The following MTMR8 variants were observed in gnomAD, a reference collection of about 807,000 sequenced individuals.
The protein encoded by MTMR8 is phosphatidylinositol-3,5-bisphosphate 3-phosphatase MTMR8.
A neutral mutation model predicts 39.3 loss-of-function variants in MTMR8; 65 were observed. The observed-to-expected ratio is 1.65, with a 90% confidence interval of 1.35 to 2.03. The LOEUF is 2.03. Ranked by LOEUF, MTMR8 falls within the 30% of genes most tolerant of loss-of-function variation. The pLI, the probability that MTMR8 is intolerant of heterozygous loss-of-function variation, is 0.00. For synonymous variants in MTMR8, 245 were observed against 185.2 expected, an observed-to-expected ratio of 1.32 and a Z score of -2.62; for missense variants, 777 against 538.9, an observed-to-expected ratio of 1.44 and a Z score of -4.37.
At chrX:64,391,049 A>C (rs1320023133) in intron 1 of MTMR8, among the ~76,000 whole-genome samples, 1 of 112,221 alleles carries the variant, frequency 8.9e-6, no homozygotes, top group Non-Finnish European at 1.9e-5. Flanking sequence ...GAACATTTCC[A>C]TCATTCCAAA....
intron 7 of MTMR8, among the ~76,000 whole-genome samples, chrX:64,344,270 A>C (rs1923293352): frequency 8.9e-6 from 1 of 112,136 alleles, no homozygotes; most frequent in African/African-American, 3.2e-5. Context: ...AGAAAGGAGT[A>C]AGAGACCTAA....
intron 8 of MTMR8, among the ~76,000 whole-genome samples, chrX:64,340,098 C>T (rs998221761): frequency 9.0e-6 from 1 of 111,383 alleles, no homozygotes; most frequent in Non-Finnish European, 1.9e-5. Context: ...AGAGAATGAC[C>T]GTGGCTAGCA....
chrX:64,276,785 G>A (rs1033843054), intron 12 of MTMR8, among the ~76,000 whole-genome samples: 3 of 111,772 alleles, frequency 2.7e-5, no homozygotes, highest in African/African-American at 3.3e-5. Context: ...TTCTGTAGAT[G>A]TCTATTAGGT....
intron 1 of MTMR8, among the ~76,000 whole-genome samples, chrX:64,374,396 T>A (rs1386110922): frequency 8.9e-6 from 1 of 111,932 alleles, no homozygotes; most frequent in South Asian, 3.8e-4. Context: ...CAAGGCATGA[T>A]CCCTCCCGAC....
At chrX:64,387,806 G>A (rs1457714131) in intron 1 of MTMR8, among the ~76,000 whole-genome samples, 1 of 108,431 alleles carries the variant, frequency 9.2e-6, no homozygotes, top group Non-Finnish European at 1.9e-5. Context: ...AAAGGAGGGA[G>A]GAGGAGAGAG....
In MTMR8 at chrX:64,354,952, G is replaced by C; in HGVS notation, c.311-18C>G. 1 of 1,148,206 alleles carries C rather than the reference G, an allele frequency of 8.7e-7. No homozygotes were observed. The highest frequency in any genetic ancestry group is 2.1e-5 in the South Asian group (1 of 48,336). 94.6% of individuals were successfully genotyped at this position (1,148,206 alleles called of 1,213,427 possible). A position where few individuals can be genotyped will look rare whatever the true frequency, so the allele number is the denominator to read the frequency against. ...AGGTAATGCTGGAGAAGAGAGATAGGCATGGAAAACAAAATGATGAATGAA... is the reference window on the plus strand; with the variant it reads ...AGGTAATGCTGGAGAAGAGAGATAGCCATGGAAAACAAAATGATGAATGAA... On this transcript the variant is annotated intron_variant, in intron 3 of 13. Coordinates refer to ENST00000374852, the MANE Select transcript of MTMR8 (RefSeq NM_017677.4).
chrX:64,276,163 G>A (rs1256793064), intron 12 of MTMR8, among the ~76,000 whole-genome samples: 6 of 110,202 alleles, frequency 5.4e-5, no homozygotes, highest in Non-Finnish European at 1.1e-4. Context: ...TTTTTTGAAG[G>A]GTTTTTCATG....
chrX:64,355,824 C>A (rs947358007), intron 3 of MTMR8, among the ~76,000 whole-genome samples: 29 of 111,115 alleles, frequency 2.6e-4, no homozygotes, highest in Non-Finnish European at 5.7e-5. Context: ...CAGCAGGAAA[C>A]AAATTTTCTT....
Position 64,359,408 on chromosome X carries a change from T to A in MTMR8, c.144A>T (p.Thr48=). ...ATACTTCTTCTCATGAACATACCCATGTTTCTTTCCGGGCTGCACCTGAAG... is the reference window on the plus strand; with the variant it reads ...ATACTTCTTCTCATGAACATACCCAAGTTTCTTTCCGGGCTGCACCTGAAG... ...VEASGAARKE[T]WIALHHIATV... is the part of the protein sequence containing the mutation. The change falls in exon 2 of 14, where the codon ACA becomes ACT. Residue 48 remains threonine (T), a synonymous_variant. Transcript: ENST00000374852. 8.3e-7 allele frequency: 1 copy of A among 1,203,122 alleles called. No homozygotes were observed. The highest frequency in any genetic ancestry group is 1.1e-6 in the Non-Finnish European group (1 of 890,448).
At chrX:64,319,209 C>T (rs1399274294) in intron 12 of MTMR8, among the ~76,000 whole-genome samples, 2 of 112,176 alleles carry the variant, frequency 1.8e-5, no homozygotes, top group African/African-American at 3.2e-5. Flanking sequence ...CAGGAAGAAA[C>T]TATAAGAATA....
intron 5 of MTMR8, among the ~76,000 whole-genome samples, chrX:64,349,380 A>G (rs985767232): frequency 1.8e-5 from 2 of 111,574 alleles, no homozygotes; most frequent in African/African-American, 6.5e-5. Context: ...CAATAATATG[A>G]CACCCAATTG....
At chrX:64,318,706 T>TTG (rs1201075055) in intron 12 of MTMR8, among the ~76,000 whole-genome samples, 2 of 92,744 alleles carry the variant, frequency 2.2e-5, no homozygotes, top group African/African-American at 9.6e-5. Context: ...GTTTGGTTTT[T>TTG]TGTTTTTTTT....
intron 10 of MTMR8, among the ~76,000 whole-genome samples, chrX:64,334,842 C>T (rs923110372): frequency 9.0e-6 from 1 of 111,678 alleles, no homozygotes; most frequent in African/African-American, 3.3e-5. Flanking sequence ...CCTTCTTTGC[C>T]CCAGAATGGA....
chrX:64,283,938 C>G (rs1011558198), intron 12 of MTMR8, among the ~76,000 whole-genome samples: 3 of 112,411 alleles, frequency 2.7e-5, no homozygotes, highest in Non-Finnish European at 3.8e-5. Flanking sequence ...CAAAGGAACG[C>G]AGCTCCTCAA....
At chrX:64,348,015 C>T (rs1169752801) in intron 6 of MTMR8, among the ~76,000 whole-genome samples, 1 of 111,869 alleles carries the variant, frequency 8.9e-6, no homozygotes, top group African/African-American at 3.2e-5. Context: ...CTATCCATGT[C>T]CACTGCCAAA....
At chrX:64,368,367 G>A (rs1164049033) in intron 1 of MTMR8, among the ~76,000 whole-genome samples, 2 of 111,626 alleles carry the variant, frequency 1.8e-5, no homozygotes, top group African/African-American at 6.5e-5. Context: ...TATACTTCAA[G>A]GCTATAGTAA....
intron 11 of MTMR8, among the ~76,000 whole-genome samples, 158 bp from the exon 12 acceptor site, chrX:64,329,058 G>C (rs16990512): frequency 0.083 from 9,286 of 111,631 alleles, 1,005 homozygotes; most frequent in African/African-American, 0.29. Context: ...GATAAAAAGT[G>C]TTGATGGAGT....
intron 1 of MTMR8, among the ~76,000 whole-genome samples, chrX:64,364,250 G>A (rs1002347392): frequency 8.9e-6 from 1 of 112,449 alleles, no homozygotes; most frequent in Admixed American, 9.3e-5. Flanking sequence ...TCCCAGCATG[G>A]TGTTTGAGCT....
intron 1 of MTMR8, among the ~76,000 whole-genome samples, chrX:64,363,537 T>G (rs921847129): frequency 8.9e-6 from 1 of 112,366 alleles, no homozygotes; most frequent in African/African-American, 3.2e-5. Context: ...CAGAGGCAGA[T>G]GCCTGTGTTA....
Sources: allele counts gnomAD v4.1 joint callset (sites outside exome capture counted in the v4.1 genomes callset), GRCh38; gene constraint gnomAD v4.1.1; transcripts MANE v1.5; gene names NCBI Gene and HGNC (gene_info 2026-07-23, HGNC 2026-07-21).